ASCC3: variants seen among roughly 807,000 people sequenced by gnomAD.
ASCC3 encodes activating signal cointegrator 1 complex subunit 3, also known as ASC-1 complex subunit P200.
In ASCC3, 158 loss-of-function variants were observed where a neutral mutation model predicts 256.3. That is an observed-to-expected ratio of 0.62 (90% CI 0.54 to 0.70). ASCC3 has a LOEUF of 0.70. Among genes scored for constraint, ASCC3 ranks in the 30% least tolerant of loss-of-function variants. ASCC3 has a pLI of 0.00. For missense variants in ASCC3, 2,259 were observed against 2,626.0 expected (o/e 0.86, Z 3.05); for synonymous variants, 948 against 883.4 (o/e 1.07, Z -1.30).
chr6:100,575,686 A>C (rs563913404), intron 36 of ASCC3, among the ~76,000 whole-genome samples: 1 of 152,094 alleles, frequency 6.6e-6, no homozygotes, highest in East Asian at 1.9e-4. Context: ...TCATGTTGTC[A>C]TAAGAACCAT....
chr6:100,760,756 T>C (rs573672320), intron 10 of ASCC3, among the ~76,000 whole-genome samples: 7 of 152,160 alleles, frequency 4.6e-5, no homozygotes, highest in Non-Finnish European at 7.4e-5. Flanking sequence ...GCGTCAAACA[T>C]AGACCAAAAA....
intron 13 of ASCC3, among the ~76,000 whole-genome samples, chr6:100,706,066 A>G (rs1778567567): frequency 6.6e-6 from 1 of 151,892 alleles, no homozygotes; most frequent in South Asian, 2.1e-4. Context: ...CCATACTTAC[A>G]TGTATAACAA....
intron 36 of ASCC3, among the ~76,000 whole-genome samples, chr6:100,577,925 A>C (rs1468066618): frequency 6.6e-6 from 1 of 152,120 alleles, no homozygotes; most frequent in Non-Finnish European, 1.5e-5. Context: ...GTATGAAAAA[A>C]TGGAGAGTAA....
intron 14 of ASCC3, among the ~76,000 whole-genome samples, chr6:100,671,004 T>C (rs906717908): frequency 6.6e-6 from 1 of 151,976 alleles, no homozygotes; most frequent in African/African-American, 2.4e-5. Flanking sequence ...AACCCATCTT[T>C]CTGAGTTGAT....
At chr6:100,776,337 T>C (rs1782186691) in intron 8 of ASCC3, among the ~76,000 whole-genome samples, 1 of 152,122 alleles carries the variant, frequency 6.6e-6, no homozygotes, top group Non-Finnish European at 1.5e-5. Flanking sequence ...TCTAAGTATA[T>C]ACCATTTTCC....
chr6:100,598,375 T>C (rs1772424147), intron 34 of ASCC3, among the ~76,000 whole-genome samples: 1 of 152,198 alleles, frequency 6.6e-6, no homozygotes, highest in Non-Finnish European at 1.5e-5. Context: ...TTTATTTACA[T>C]GGACTACACT....
chr6:100,634,947 T>G (rs1774767018), intron 25 of ASCC3, among the ~76,000 whole-genome samples: 1 of 151,742 alleles, frequency 6.6e-6, no homozygotes. Context: ...TAACTGTTAC[T>G]GTACATGATT....
At chr6:100,800,692 C>T (rs1288388214) in intron 5 of ASCC3, among the ~76,000 whole-genome samples, 188 bp from the exon 6 acceptor site, 3 of 151,412 alleles carry the variant, frequency 2.0e-5, no homozygotes, top group African/African-American at 4.8e-5. Flanking sequence ...TAAAATTACA[C>T]GGTGGTTTAA....
At chr6:100,683,927 T>C (rs1271724081) in intron 13 of ASCC3, among the ~76,000 whole-genome samples, 1 of 152,110 alleles carries the variant, frequency 6.6e-6, no homozygotes, top group Non-Finnish European at 1.5e-5. Context: ...CTTTTATATT[T>C]AAAATACATC....
intron 13 of ASCC3, among the ~76,000 whole-genome samples, chr6:100,703,114 G>A (rs1345790440): frequency 6.6e-6 from 1 of 151,932 alleles, no homozygotes; most frequent in Non-Finnish European, 1.5e-5. Flanking sequence ...TTGAAAATCA[G>A]TTCCATTCTC....
intron 34 of ASCC3, among the ~76,000 whole-genome samples, chr6:100,590,348 G>A (rs576980911): frequency 6.6e-6 from 1 of 152,024 alleles, no homozygotes; most frequent in Admixed American, 6.6e-5. Context: ...CTTAATACAG[G>A]AAAAATACAT....
chr6:100,767,400 C>G (rs1781708170), intron 8 of ASCC3, 55 bp from the exon 9 acceptor site: 1 of 1,501,744 alleles, frequency 6.7e-7, no homozygotes, highest in African/African-American at 1.4e-5. Flanking sequence ...AGGACCCATA[C>G]AAATCATTAT....
intron 38 of ASCC3, 50 bp from the exon 39 acceptor site, chr6:100,516,377 A>T (rs1774030736): frequency 6.2e-7 from 1 of 1,606,940 alleles, no homozygotes; most frequent in Non-Finnish European, 8.5e-7. Context: ...AGCACAAAGA[A>T]GATTTTCTGA....
chr6:100,766,835 G>C, intron 9 of ASCC3, 130 bp from the exon 10 acceptor site: 1 of 1,116,576 alleles, frequency 9.0e-7, no homozygotes, highest in Non-Finnish European at 1.3e-6. Flanking sequence ...AATCTTAATA[G>C]TGATATATTA....
chr6:100,595,723 A>G (rs1240923595), intron 34 of ASCC3, among the ~76,000 whole-genome samples: 3 of 152,124 alleles, frequency 2.0e-5, no homozygotes, highest in Non-Finnish European at 2.9e-5. Context: ...TGCTATTGGG[A>G]GCAAGTTGCT....
chr6:100,628,773 T>C (rs1016050855), intron 27 of ASCC3, among the ~76,000 whole-genome samples: 32 of 152,140 alleles, frequency 2.1e-4, no homozygotes, highest in Admixed American at 4.6e-4. Context: ...TATTTCTTTA[T>C]GGCAATGTGA....
chr6:100,516,272 A>C lies in ASCC3; in HGVS notation c.5983T>G (p.Ser1995Ala), dbSNP rs576122470. 1.1e-5 allele frequency: 17 copies of C among 1,613,712 alleles called. No individual in the cohort carries two copies. In the East Asian group the frequency reaches 3.6e-4, roughly 34 times the overall value. Residue 1995 changes from serine (S) to alanine (A), a missense_variant, in exon 39 of 42, where the codon TCC (serine) becomes GCC (alanine). This residue lies in a region of ASCC3 where 1,839 missense variants were observed against 2,206.7 expected (regional missense o/e 0.83). Coordinates refer to ENST00000369162, the MANE Select transcript of ASCC3 (RefSeq NM_006828.4). Reference protein sequence around the residue: ...PHARGRTSIESLPELIHACGG... With the variant: ...PHARGRTSIEALPELIHACGG... ...CAGGCATGGATCAGTTCAGGAAGGG[A>C]CTCGATGGAGGTCCGACCCCTAGCA...
chr6:100,691,694 T>C lies in ASCC3; in HGVS notation c.2152-11942A>G, dbSNP rs558581560. Among the ~76,000 whole-genome samples the C allele has an allele frequency of 3.2e-4, 48 of 152,038 alleles. 1 individual carries two copies. In the South Asian group the frequency reaches 9.5e-3, roughly 30 times the overall value. ...CTTGCTCATAATTACTTATACAAAT[T>C]TAATATAAATCAATTGTTTTTGTTT... On this transcript the variant is annotated intron_variant, in intron 13 of 41. Coordinates refer to ENST00000369162, the MANE Select transcript of ASCC3 (RefSeq NM_006828.4).
chr6:100,575,310 T>C (rs541956500), intron 36 of ASCC3, among the ~76,000 whole-genome samples: 1 of 152,224 alleles, frequency 6.6e-6, no homozygotes, highest in South Asian at 2.1e-4. Flanking sequence ...ACAAAAACAT[T>C]CTTGCTTATT....
Sources: gnomAD v4.1 joint callset for allele counts (sites outside exome capture counted in the v4.1 genomes callset) on GRCh38, gnomAD v4.1.1 for gene constraint, gnomAD v4.1.1 regional missense constraint, MANE v1.5 for transcripts, NCBI Gene and HGNC (gene_info 2026-07-23, HGNC 2026-07-21) for gene names.